DLG2: variants seen among roughly 807,000 people sequenced by gnomAD.
DLG2 encodes discs large MAGUK scaffold protein 2.
A neutral mutation model predicts 132.5 loss-of-function variants in DLG2; 45 were observed. The ratio of observed to expected loss-of-function variants is 0.34; its 90% confidence interval spans 0.27 to 0.44. DLG2 has a LOEUF of 0.44. DLG2 is among the 20% of genes least tolerant of loss of function. The pLI is 1.00. For synonymous variants in DLG2, 424 were observed against 419.6 expected, an observed-to-expected ratio of 1.01 and a Z score of -0.13; for missense variants, 1,045 against 1,196.9, an observed-to-expected ratio of 0.87 and a Z score of 1.87.
upstream of DLG2, chr11:85,627,953 C>A: frequency 6.5e-6 from 1 of 152,878 alleles, no homozygotes; most frequent in Non-Finnish European, 1.5e-5. Flanking sequence ...CCAGGCCTTG[C>A]AGTGCCCCCC....
At chr11:83,949,082 T>C (rs2084776789) in intron 14 of DLG2, among the ~76,000 whole-genome samples, 1 of 152,218 alleles carries the variant, frequency 6.6e-6, no homozygotes, top group South Asian at 2.1e-4. Flanking sequence ...TTTTACATTT[T>C]TTCTAATATT....
chr11:85,185,786 A>G (rs747773728), intron 4 of DLG2, among the ~76,000 whole-genome samples: 1 of 151,862 alleles, frequency 6.6e-6, no homozygotes, highest in African/African-American at 2.4e-5. Flanking sequence ...CATATATTAC[A>G]TATTAAGCAT....
intron 6 of DLG2, among the ~76,000 whole-genome samples, chr11:85,009,731 C>T (rs1231387757): frequency 3.9e-5 from 6 of 151,966 alleles, no homozygotes; most frequent in African/African-American, 1.4e-4. Flanking sequence ...AACGCAAAAC[C>T]CATTTTTAAA....
chr11:85,317,831 G>A (rs74483483), intron 3 of DLG2, among the ~76,000 whole-genome samples: 1,556 of 151,780 alleles, frequency 0.01, 19 homozygotes, highest in African/African-American at 0.034. Context: ...CCTGAGTAAT[G>A]AAATATCTAT....
At chr11:85,062,273 T>C (rs900839603) in intron 6 of DLG2, among the ~76,000 whole-genome samples, 4 of 151,742 alleles carry the variant, frequency 2.6e-5, no homozygotes, top group African/African-American at 9.7e-5. Flanking sequence ...AATGCAATAG[T>C]TGAAAAAATG....
chr11:84,575,079 G>C lies in DLG2; in HGVS notation c.358-40348C>G, dbSNP rs1238226468. ...TGATTGGCTGCCGTGCTCTAAGCTG[G>C]ATTCCTTTAAAATCCATTTTATCTC... On this transcript the variant is annotated intron_variant, in intron 6 of 27. Coordinates refer to ENST00000376104, the MANE Select transcript of DLG2 (RefSeq NM_001142699.3). 2.0e-5 allele frequency among the ~76,000 whole-genome samples: 3 copies of C among 152,092 alleles called. No individual in the cohort carries two copies. The East Asian group carries it at 5.8e-4, about 29-fold the overall frequency.
intron 6 of DLG2, among the ~76,000 whole-genome samples, chr11:84,958,164 A>G (rs2051982219): frequency 6.6e-6 from 1 of 152,180 alleles, no homozygotes; most frequent in Admixed American, 6.5e-5. Flanking sequence ...CTTTGGAAAG[A>G]TTGTGCATTT....
intron 8 of DLG2, among the ~76,000 whole-genome samples, chr11:84,180,088 C>T (rs768205270): frequency 9.2e-5 from 14 of 151,994 alleles, no homozygotes; most frequent in South Asian, 6.2e-4. Context: ...GAGTCAAATA[C>T]GGCAGAAATG....
intron 7 of DLG2, chr11:84,316,674 T>C (rs1253993123): frequency 1.2e-6 from 1 of 826,032 alleles, no homozygotes; most frequent in Admixed American, 3.0e-5. Context: ...CCCACAAACA[T>C]GTGTGAAAAT....
At chr11:84,496,841 T>C (rs937892685) in intron 7 of DLG2, among the ~76,000 whole-genome samples, 3 of 152,130 alleles carry the variant, frequency 2.0e-5, no homozygotes, top group Admixed American at 6.6e-5. Flanking sequence ...GTATTTTAAA[T>C]TTTCAGAGCA....
chr11:85,228,840 T>A (rs1015516827), intron 4 of DLG2, among the ~76,000 whole-genome samples: 1 of 151,706 alleles, frequency 6.6e-6, no homozygotes, highest in South Asian at 2.1e-4. Context: ...ATTATTATTA[T>A]AGTTGGATTT....
chr11:85,196,037 G>A (rs1241885094), intron 4 of DLG2, among the ~76,000 whole-genome samples: 1 of 152,124 alleles, frequency 6.6e-6, no homozygotes, highest in Admixed American at 6.5e-5. Flanking sequence ...CTTTTGGAAT[G>A]AGAATTTTCA....
intron 3 of DLG2, chr11:85,453,775 C>T (rs1054030451): frequency 1.3e-5 from 2 of 152,154 alleles, no homozygotes; most frequent in African/African-American, 2.4e-5. Context: ...TCACCCCTCA[C>T]TTTTGTCTTT....
rs2092987348 is a variant in DLG2 at position 84,106,955 on chromosome 11, AG to A, written c.625-7909del. Among the ~76,000 whole-genome samples, 7 of 18,222 alleles carry A rather than the reference AG, an allele frequency of 3.8e-4. No homozygotes were observed. The South Asian group carries it at 0.011, about 28-fold the overall frequency. 12.0% of individuals were successfully genotyped at this position (18,222 alleles called of 152,430 possible). On this transcript the variant is annotated intron_variant, in intron 9 of 27. Coordinates refer to ENST00000376104, the MANE Select transcript of DLG2 (RefSeq NM_001142699.3). ...GTGAGTGTGTGTGTGAGAGAGAGAA[AG>A]AGAGAGAGAGTTTTAGCCTTAGGGT... is the stretch of plus-strand genomic sequence containing the variant.
chr11:84,659,674 A>T (rs1295120114), intron 6 of DLG2, among the ~76,000 whole-genome samples: 1 of 152,142 alleles, frequency 6.6e-6, no homozygotes, highest in Non-Finnish European at 1.5e-5. Context: ...TTGATTTTCA[A>T]TAATGTCTCT....
chr11:85,055,552 G>A (rs779888221), intron 6 of DLG2, among the ~76,000 whole-genome samples: 1 of 152,132 alleles, frequency 6.6e-6, no homozygotes, highest in South Asian at 2.1e-4. Context: ...TCAATGGACT[G>A]GGGAAACAAA....
At chr11:84,850,781 C>G (rs2082078578) in intron 6 of DLG2, among the ~76,000 whole-genome samples, 1 of 151,856 alleles carries the variant, frequency 6.6e-6, no homozygotes, top group South Asian at 2.1e-4. Context: ...ATTAAGAAAA[C>G]AATTTTATTT....
chr11:83,753,884 C>G (rs539385752), intron 18 of DLG2, among the ~76,000 whole-genome samples: 1,075 of 18,736 alleles, frequency 0.057, 31 homozygotes, highest in Non-Finnish European at 0.063. Flanking sequence ...TGATATATAT[C>G]ATATATATCA....
intron 11 of DLG2, among the ~76,000 whole-genome samples, chr11:84,024,814 C>CTTT (rs764318252): frequency 7.4e-6 from 1 of 135,786 alleles, no homozygotes; most frequent in Non-Finnish European, 1.6e-5. Context: ...TATATTTTTT[C>CTTT]TTTTTTTTTT....
Sources: allele counts gnomAD v4.1 joint callset (sites outside exome capture counted in the v4.1 genomes callset), GRCh38; gene constraint gnomAD v4.1.1; transcripts MANE v1.5; gene names NCBI Gene and HGNC (gene_info 2026-07-23, HGNC 2026-07-21).